MRTFB: variants seen among roughly 807,000 people sequenced by gnomAD.
MRTFB encodes myocardin-related transcription factor B.
Under a neutral mutation model 104.2 loss-of-function variants are expected in MRTFB, and 29 were observed. The observed-to-expected ratio is 0.28, with a 90% CI of 0.21 to 0.38. The LOEUF (loss-of-function observed/expected upper bound fraction) is 0.38. Ranked by LOEUF, MRTFB falls within the 10% of genes least tolerant of loss-of-function variation. MRTFB has a pLI of 1.00. For missense variants in MRTFB, 1,270 were observed against 1,341.6 expected, an observed-to-expected ratio of 0.95 and a Z score of 0.83; for synonymous variants, 535 against 519.5, an observed-to-expected ratio of 1.03 and a Z score of -0.41.
In MRTFB at chr16:14,245,530, C is replaced by T; in HGVS notation, c.1082C>T (p.Pro361Leu). Residue 361 changes from proline (P) to leucine (L), a missense_variant and splice_region_variant, in exon 11 of 17, where the codon CCA becomes CTA. By Grantham distance (98) the Pro-to-Leu change is moderately conservative. Coordinates refer to ENST00000571589, the MANE Select transcript of MRTFB (RefSeq NM_001308142.2). ...YQTILPAPFKPLNDKNSNSGN... is the reference protein window; with the variant it reads ...YQTILPAPFKLLNDKNSNSGN... ...CTAATTTTTGTTTTCTTTTGAAGGC[C>T]ACTCAATGACAAAAATAGTAACAGT... 1 of 1,605,464 alleles carries T rather than the reference C, an allele frequency of 6.2e-7. No individual in the cohort carries two copies. Among genetic ancestry groups the T allele is most frequent in the Non-Finnish European group, 8.5e-7 (1 of 1,177,642 alleles).
In MRTFB at chr16:14,193,210, CAAAAAAAAAAAAAAA is replaced by C. The variant is rs10616011; in HGVS notation, c.155-17018_155-17004del. ...CCTGGGCAACAGTGAGACCCTGTCTCAAAAAAAAAAAAAAAAAAAAAAAAAAAAAGAATGATCATC... is the reference window on the plus strand; with the variant it reads ...CCTGGGCAACAGTGAGACCCTGTCTCAAAAAAAAAAAAAAGAATGATCATC... On this transcript the variant is annotated intron_variant, in intron 3 of 16. Transcript: ENST00000571589. Among the ~76,000 whole-genome samples, 76 of 56,416 alleles carry C rather than the reference CAAAAAAAAAAAAAAA, an allele frequency of 1.3e-3. 1 individual carries two copies. Among genetic ancestry groups the C allele is most frequent in the Admixed American group, 8.2e-3 (27 of 3,310 alleles). 37.0% of individuals were successfully genotyped at this position (56,416 alleles called of 152,430 possible).
chr16:14,183,350 G>A lies in MRTFB; in HGVS notation c.155-26893G>A, dbSNP rs1040059012. Among the ~76,000 whole-genome samples the A allele has an allele frequency of 4.6e-5, 7 of 152,272 alleles. No homozygotes were observed. The East Asian group carries it at 1.3e-3, about 29-fold the overall frequency. ...ATAAGTGAAGAAAGACTGAGAGAAT[G>A]TTAGAGATGGACAAAAACTAAAGAG... On this transcript the variant is annotated intron_variant, in intron 3 of 16. Coordinates refer to ENST00000571589, the MANE Select transcript of MRTFB (RefSeq NM_001308142.2).
the MRTFB span, among the ~76,000 whole-genome samples, chr16:14,041,894 C>T: frequency 1.4e-4 from 21 of 152,060 alleles, no homozygotes; most frequent in African/African-American, 4.8e-4. Flanking sequence ...CCATTGCACT[C>T]GAGCCTGGGC....
chr16:14,058,712 GTTTTTT>G, the MRTFB span, among the ~76,000 whole-genome samples: 13 of 86,868 alleles, frequency 1.5e-4, no homozygotes, highest in African/African-American at 4.7e-4. Context: ...ATTTGTATTT[GTTTTTT>G]TTTTTTTTTT....
chr16:14,263,573 TATTTCC>T lies in MRTFB; in HGVS notation c.*2132_*2137del, dbSNP rs1387216683. ...CATTGACTCTCGTTGAATAACTTTA[TATTTCC>T]ATAATCCTGAATTGTGTAGATAGTT... On this transcript the variant is annotated 3_prime_UTR_variant, in exon 17 of 17. Coordinates refer to ENST00000571589, the MANE Select transcript of MRTFB (RefSeq NM_001308142.2). The T allele has an allele frequency of 1.3e-5, 2 of 152,220 alleles. No individual in the cohort carries two copies. The highest frequency in any genetic ancestry group is 2.9e-5 in the Non-Finnish European group (2 of 68,042). The allele number at this position is 152,220 out of a possible 1,614,324, so 9.4% of individuals were successfully genotyped here.
chr16:14,155,024 GGA>G (rs2038776541), intron 3 of MRTFB, among the ~76,000 whole-genome samples: 1 of 152,088 alleles, frequency 6.6e-6, no homozygotes, highest in African/African-American at 2.4e-5. Flanking sequence ...GGGATCCCTG[GGA>G]CTACCCTAAA....
chr16:14,101,055 T>C (rs1309996568), intron 2 of MRTFB, among the ~76,000 whole-genome samples: 2 of 152,072 alleles, frequency 1.3e-5, no homozygotes, highest in Admixed American at 6.5e-5. Context: ...GTTTCATTGA[T>C]TTTTCTGCTC....
At chr16:14,245,753 A>G in intron 11 of MRTFB, 93 bp downstream of exon 11, 2 of 1,353,484 alleles carry the variant, frequency 1.5e-6, no homozygotes, top group Non-Finnish European at 2.0e-6. Flanking sequence ...AGTAGTTTTC[A>G]GTAGACATTC....
chr16:14,204,750 A>G (rs1448232975), intron 3 of MRTFB, among the ~76,000 whole-genome samples: 1 of 152,206 alleles, frequency 6.6e-6, no homozygotes, highest in African/African-American at 2.4e-5. Flanking sequence ...AGCCATCTGT[A>G]TCCATGTTCA....
chr16:14,216,959 A>C (rs2041454988), intron 6 of MRTFB, among the ~76,000 whole-genome samples, 167 bp from the exon 7 acceptor site: 1 of 152,238 alleles, frequency 6.6e-6, no homozygotes, highest in South Asian at 2.1e-4. Context: ...AAAAATACAA[A>C]ATGCATACTG....
chr16:14,088,833 T>A (rs1186106493), intron 2 of MRTFB, among the ~76,000 whole-genome samples: 1 of 152,240 alleles, frequency 6.6e-6, no homozygotes, highest in Non-Finnish European at 1.5e-5. Context: ...GGACTTTGAC[T>A]TATTAAATCT....
intron 3 of MRTFB, among the ~76,000 whole-genome samples, chr16:14,180,641 G>C (rs1466242897): frequency 6.6e-6 from 1 of 152,222 alleles, no homozygotes; most frequent in Admixed American, 6.5e-5. Context: ...GAGGAGCCAC[G>C]CAAGCTGTCC....
rs1198778602 is a variant in MRTFB at position 14,247,326 on chromosome 16, C to T, written c.2066C>T (p.Ala689Val). 1.2e-6 allele frequency: 2 copies of T among 1,614,228 alleles called. No individual in the cohort carries two copies. The highest frequency in any genetic ancestry group is 1.7e-6 in the Non-Finnish European group (2 of 1,180,036). Residue 689 changes from alanine to valine, a missense_variant, in exon 12 of 17, where the codon GCA (alanine) becomes GTA (valine). Transcript: ENST00000571589. ...AAGCAAGAGGTCCCTGTGGGCCAGG[C>T]AGAGCAGCAGAGTGTCGTCTCGCAG... is the stretch of plus-strand genomic sequence containing the variant. ...VIKQEVPVGQ[A>V]EQQSVVSQFY...
rs779217909 is a variant in MRTFB, at chr16:14,258,143, A to G, written c.2746A>G (p.Ile916Val). Residue 916 changes from isoleucine (I) to valine (V), a missense_variant, in exon 16 of 17, where the codon ATC becomes GTC. By Grantham distance (29) the Ile-to-Val change is conservative. Transcript: ENST00000571589. ...HSQQMDDLFD[I>V]LIKSGEISLP... ...TCAGCAGATGGATGACCTCTTTGAT[A>G]TCCTCATTAAGAGTGGAGGTAAGTC... is the stretch of plus-strand genomic sequence containing the variant. 6.8e-6 allele frequency: 11 copies of G among 1,613,884 alleles called. No homozygotes were observed. Among genetic ancestry groups the G allele is most frequent in the African/African-American group, 1.3e-5 (1 of 74,934 alleles).
At chr16:14,037,322 C>T in the MRTFB span, among the ~76,000 whole-genome samples, 3 of 152,132 alleles carry the variant, frequency 2.0e-5, no homozygotes, top group Non-Finnish European at 4.4e-5. Context: ...ATTGTTATGG[C>T]AATGGCATTA....
chr16:14,117,433 A>G (rs923101228), intron 2 of MRTFB, among the ~76,000 whole-genome samples: 1 of 152,196 alleles, frequency 6.6e-6, no homozygotes, highest in South Asian at 2.1e-4. Context: ...CATAGCATCT[A>G]TTCTTTTCCT....
At chr16:14,168,217 A>ATGTGTGTGTGTGTGTGTGTGTGTGTG (rs61205256) in intron 3 of MRTFB, among the ~76,000 whole-genome samples, 18 of 148,108 alleles carry the variant, frequency 1.2e-4, no homozygotes, top group Admixed American at 4.7e-4. Flanking sequence ...TAAAGATAAA[A>ATGTGTGTGTGTGTGTGTGTGTGTGTG]TGTGTGTGTG....
intron 9 of MRTFB, 29 bp downstream of exon 9, chr16:14,234,312 G>C (rs760742848): frequency 1.2e-5 from 19 of 1,607,756 alleles, no homozygotes; most frequent in Non-Finnish European, 1.6e-5. Flanking sequence ...CCCTGGGTTT[G>C]GTGGCTTTAT....
intron 2 of MRTFB, among the ~76,000 whole-genome samples, chr16:14,120,499 G>C (rs72783490): frequency 1.3e-5 from 2 of 152,052 alleles, no homozygotes; most frequent in African/African-American, 2.4e-5. Context: ...AATTTTCCAC[G>C]TGAGTAAACT....
Sources: allele counts gnomAD v4.1 joint callset (sites outside exome capture counted in the v4.1 genomes callset), GRCh38; gene constraint gnomAD v4.1.1; transcripts MANE v1.5; gene names NCBI Gene and HGNC (gene_info 2026-07-23, HGNC 2026-07-21).